SHISA9: variants seen among roughly 807,000 people sequenced by gnomAD.
SHISA9 encodes protein shisa-9.
In SHISA9, 13 loss-of-function variants were observed where a neutral mutation model predicts 38.0. The observed-to-expected ratio is 0.34, with a 90% CI of 0.22 to 0.54. The LOEUF (loss-of-function observed/expected upper bound fraction) is 0.54. SHISA9 is among the 20% of genes least tolerant of loss of function. SHISA9 has a pLI of 0.91. For missense variants in SHISA9, 538 were observed against 575.8 expected (o/e 0.93, Z 0.67); for synonymous variants, 275 against 242.0 (o/e 1.14, Z -1.27).
the SHISA9 span, among the ~76,000 whole-genome samples, chr16:13,552,715 AT>A: frequency 4.6e-4 from 70 of 151,894 alleles, no homozygotes; most frequent in Non-Finnish European, 6.6e-4. Flanking sequence ...GAATAATGAG[AT>A]TTTTTTTAAA....
In SHISA9 at chr16:13,235,271, G is replaced by T; in HGVS notation, c.1137G>T (p.Arg379=). The change falls in exon 5 of 5, where the codon CGG becomes CGT. Residue 379 remains arginine (R), a synonymous_variant. Coordinates refer to ENST00000558583, the MANE Select transcript of SHISA9 (RefSeq NM_001145204.3). ...GGGACCCCAACGAGCAGTCCCTCCG[G>T]CGGCAGGCTTACAGCAACAAGGGCA... ...KGWDPNEQSL[R]RQAYSNKGKL... The T allele has an allele frequency of 6.4e-7, 1 of 1,551,650 alleles. No individual in the cohort carries two copies. The highest frequency in any genetic ancestry group is 8.7e-7 in the Non-Finnish European group (1 of 1,147,016).
At chr16:13,440,170 T>C in the SHISA9 span, among the ~76,000 whole-genome samples, 1 of 152,168 alleles carries the variant, frequency 6.6e-6, no homozygotes, top group African/African-American at 2.4e-5. Flanking sequence ...GGTTTCTTAA[T>C]GGTATGTGGG....
intron 2 of SHISA9, among the ~76,000 whole-genome samples, chr16:12,928,721 G>A (rs2071425022): frequency 6.6e-6 from 1 of 152,192 alleles, no homozygotes; most frequent in South Asian, 2.1e-4. Context: ...AGTTGTGCAA[G>A]GGCAGCATGT....
chr16:13,187,330 T>TTTCTTTTCTTTTC (rs1301717651), intron 2 of SHISA9, among the ~76,000 whole-genome samples: 2 of 45,516 alleles, frequency 4.4e-5, no homozygotes, highest in African/African-American at 2.3e-4. Context: ...TTTCTTTTCT[T>TTTCTTTTCTTTTC]TTTTTTTTTT....
chr16:13,070,157 C>CTGTGTGTGT (rs1555459120), intron 2 of SHISA9, among the ~76,000 whole-genome samples: 6 of 134,678 alleles, frequency 4.5e-5, no homozygotes, highest in African/African-American at 1.6e-4. Flanking sequence ...TGTGTGTGCA[C>CTGTGTGTGT]GCATGTGTCT....
rs191919206 is a variant in SHISA9 at position 13,023,652 on chromosome 16, C to G, written c.691+106837C>G. ...CTCCCATCAACAGTGTAAAAGTATT[C>G]CTATTTCTCCATATCCTCTCCAGCA... On this transcript the variant is annotated intron_variant, in intron 2 of 4. Coordinates refer to ENST00000558583, the MANE Select transcript of SHISA9 (RefSeq NM_001145204.3). Among the ~76,000 whole-genome samples, 61 of 152,322 alleles carry G rather than the reference C, an allele frequency of 4.0e-4. 2 individuals are homozygous for G. Among genetic ancestry groups the G allele is most frequent in the African/African-American group, 1.4e-3 (59 of 41,584 alleles).
the SHISA9 span, chr16:13,331,502 C>T: frequency 6.6e-6 from 1 of 151,786 alleles, no homozygotes; most frequent in African/African-American, 2.4e-5. Flanking sequence ...TCACATTATA[C>T]ATAATACATT....
intron 2 of SHISA9, among the ~76,000 whole-genome samples, chr16:13,060,072 G>C (rs2073356269): frequency 6.6e-6 from 1 of 152,162 alleles, no homozygotes; most frequent in Non-Finnish European, 1.5e-5. Context: ...AGTATTCAGA[G>C]AGATCATGAC....
intron 2 of SHISA9, among the ~76,000 whole-genome samples, chr16:13,011,937 T>C (rs917286269): frequency 6.6e-6 from 1 of 152,138 alleles, no homozygotes; most frequent in African/African-American, 2.4e-5. Context: ...GCGATTCTCA[T>C]GCCTCAGCCT....
chr16:13,325,242 A>G, the SHISA9 span, among the ~76,000 whole-genome samples: 1 of 152,218 alleles, frequency 6.6e-6, no homozygotes, highest in Non-Finnish European at 1.5e-5. Flanking sequence ...GAGGTAAAAT[A>G]CTTCACCTGC....
At chr16:13,131,054 C>T (rs919263493) in intron 2 of SHISA9, among the ~76,000 whole-genome samples, 9 of 152,090 alleles carry the variant, frequency 5.9e-5, no homozygotes, top group East Asian at 3.9e-4. Flanking sequence ...GACAGTGTGG[C>T]GATTCCTCAG....
intron 2 of SHISA9, among the ~76,000 whole-genome samples, chr16:13,126,144 A>T (rs1410326898): frequency 6.6e-6 from 1 of 152,192 alleles, no homozygotes; most frequent in Non-Finnish European, 1.5e-5. Context: ...GCTCACAAAG[A>T]TTCGGCAGCC....
chr16:13,283,469 CGTA>C, the SHISA9 span, among the ~76,000 whole-genome samples: 1 of 152,000 alleles, frequency 6.6e-6, no homozygotes, highest in African/African-American at 2.4e-5. Context: ...GCCTCACAAT[CGTA>C]GTGGAAGGCA....
the SHISA9 span, among the ~76,000 whole-genome samples, chr16:13,461,170 G>A: frequency 6.6e-6 from 1 of 152,158 alleles, no homozygotes; most frequent in Non-Finnish European, 1.5e-5. Context: ...CTCCCAACCT[G>A]TGCACACTTG....
At chr16:13,373,809 AG>A in the SHISA9 span, among the ~76,000 whole-genome samples, 1 of 151,582 alleles carries the variant, frequency 6.6e-6, no homozygotes, top group African/African-American at 2.4e-5. Context: ...CCACCCCAAA[AG>A]GCTGTTGTGT....
At chr16:13,446,840 C>T in the SHISA9 span, among the ~76,000 whole-genome samples, 4 of 151,924 alleles carry the variant, frequency 2.6e-5, no homozygotes. Context: ...ATTAGCCAGG[C>T]ACGCTGACAC....
the SHISA9 span, among the ~76,000 whole-genome samples, chr16:13,439,065 G>C: frequency 1.3e-5 from 2 of 152,164 alleles, no homozygotes; most frequent in African/African-American, 4.8e-5. Flanking sequence ...GACACAGGAA[G>C]ACAAATAGTG....
At chr16:13,167,259 A>G (rs900251371) in intron 2 of SHISA9, among the ~76,000 whole-genome samples, 3 of 151,768 alleles carry the variant, frequency 2.0e-5, no homozygotes, top group African/African-American at 7.3e-5. Context: ...TTTAGTAGAG[A>G]TAGGGTTTCT....
At chr16:13,267,244 G>A in the SHISA9 span, among the ~76,000 whole-genome samples, 3 of 152,038 alleles carry the variant, frequency 2.0e-5, no homozygotes, top group Admixed American at 2.0e-4. Flanking sequence ...AATTAGATAG[G>A]AAAATAAAAA....
Sources: allele counts gnomAD v4.1 joint callset (sites outside exome capture counted in the v4.1 genomes callset), GRCh38; gene constraint gnomAD v4.1.1; transcripts MANE v1.5; gene names NCBI Gene and HGNC (gene_info 2026-07-23, HGNC 2026-07-21).